The following KCNH7 variants were observed in gnomAD, a reference collection of about 807,000 sequenced individuals.
The protein encoded by KCNH7 is voltage-gated inwardly rectifying potassium channel KCNH7.
A neutral mutation model predicts 120.8 loss-of-function variants in KCNH7; 49 were observed. The observed-to-expected ratio is 0.41, with a 90% CI of 0.32 to 0.51. KCNH7 has a LOEUF of 0.51. Ranked by LOEUF, KCNH7 falls within the 20% of genes least tolerant of loss-of-function variation. The pLI is 0.38. For synonymous variants in KCNH7, 547 were observed against 516.1 expected (o/e 1.06, Z -0.81); for missense variants, 1,097 against 1,446.6 (o/e 0.76, Z 3.92).
chr2:162,686,788 G>C (rs1221028185), intron 2 of KCNH7, among the ~76,000 whole-genome samples: 1 of 152,024 alleles, frequency 6.6e-6, no homozygotes, highest in Non-Finnish European at 1.5e-5. Context: ...AACCTACCAA[G>C]GTCAAAAAAG....
Position 162,375,271 on chromosome 2 carries a change from A to G in KCNH7, c.3132-1609T>C, listed in dbSNP as rs138385570. Among the ~76,000 whole-genome samples, 484 of 152,370 alleles carry G rather than the reference A, an allele frequency of 3.2e-3. 2 individuals are homozygous for G. The highest frequency in any genetic ancestry group is 0.011 in the African/African-American group (463 of 41,590). ...GGATTTGGGGGGAAAGACTGGAAGA[A>G]GAACTGCATCAACAAGGGAGATTCA... On this transcript the variant is annotated intron_variant, in intron 14 of 15. Coordinates refer to ENST00000332142, the MANE Select transcript of KCNH7 (RefSeq NM_033272.4).
intron 2 of KCNH7, among the ~76,000 whole-genome samples, chr2:162,654,401 C>T (rs1216934291): frequency 6.7e-6 from 1 of 149,760 alleles, no homozygotes; most frequent in African/African-American, 2.4e-5. Context: ...AAAAAATGTC[C>T]AACATCACTA....
At chr2:162,834,624 T>C (rs1222035143) in intron 2 of KCNH7, among the ~76,000 whole-genome samples, 2 of 152,084 alleles carry the variant, frequency 1.3e-5, no homozygotes, top group African/African-American at 4.8e-5. Flanking sequence ...TTTGTCAATA[T>C]ACTAATATGT....
chr2:162,833,501 A>G (rs1008883610), intron 2 of KCNH7, among the ~76,000 whole-genome samples: 4 of 152,248 alleles, frequency 2.6e-5, no homozygotes, highest in African/African-American at 9.6e-5. Flanking sequence ...CAGCTTTATC[A>G]CCTCAAGCAA....
intron 6 of KCNH7, among the ~76,000 whole-genome samples, chr2:162,477,794 A>G (rs910310062): frequency 6.6e-6 from 1 of 151,524 alleles, no homozygotes; most frequent in African/African-American, 2.4e-5. Context: ...ACATTTTTCT[A>G]TATAGCCTTC....
At chr2:162,615,860 C>G (rs1683123963) in intron 2 of KCNH7, among the ~76,000 whole-genome samples, 1 of 152,094 alleles carries the variant, frequency 6.6e-6, no homozygotes, top group Non-Finnish European at 1.5e-5. Flanking sequence ...GATCCATTCT[C>G]TAAATACACT....
rs141946498 is a variant in KCNH7 at position 162,685,267 on chromosome 2, C to G, written c.308-148187G>C. ...ATAGATAACAGGTTGATGGGTGCAG[C>G]AAACCACCATGGCACATGTATACCT... On this transcript the variant is annotated intron_variant, in intron 2 of 15. Transcript: ENST00000332142. 2.1e-3 allele frequency among the ~76,000 whole-genome samples: 312 copies of G among 151,992 alleles called. 3 individuals are homozygous for G. The highest frequency in any genetic ancestry group is 7.2e-3 in the African/African-American group (300 of 41,480).
At chr2:162,521,612 TATTA>T (rs1158660641) in intron 3 of KCNH7, among the ~76,000 whole-genome samples, 1 of 151,868 alleles carries the variant, frequency 6.6e-6, no homozygotes, top group Admixed American at 6.6e-5. Context: ...ACATTTTTAT[TATTA>T]ATTATTATGG....
chr2:162,517,995 G>T lies in KCNH7; in HGVS notation c.627C>A (p.Ser209Arg). 2 of 1,612,440 alleles carry T rather than the reference G, an allele frequency of 1.2e-6. No individual in the cohort carries two copies. Among genetic ancestry groups the T allele is most frequent in the Non-Finnish European group, 1.7e-6 (2 of 1,178,920 alleles). ...CTTTTGTGTCATCTGCTTCAGAGGG[G>T]CTGCAGCTTTCTTTTGTAGGAGACT... ...HFKSPTKESC[S>R]PSEADDTKAL... The change falls in exon 4 of 16, where the codon AGC becomes AGA. Residue 209 changes from serine to arginine, a missense_variant. By Grantham distance (110) the Ser-to-Arg change is moderately radical (BLOSUM62 -1). Coordinates refer to ENST00000332142, the MANE Select transcript of KCNH7 (RefSeq NM_033272.4).
chr2:162,751,046 T>G (rs1422294250), intron 2 of KCNH7, among the ~76,000 whole-genome samples: 2 of 152,204 alleles, frequency 1.3e-5, no homozygotes, highest in Admixed American at 6.6e-5. Context: ...AACAACCGAC[T>G]ATTTCCTGAG....
intron 2 of KCNH7, among the ~76,000 whole-genome samples, chr2:162,572,198 A>G (rs1360911388): frequency 1.3e-5 from 2 of 152,110 alleles, no homozygotes; most frequent in African/African-American, 4.8e-5. Flanking sequence ...ACAAATTTAC[A>G]AGAAAAAAAT....
chr2:162,826,362 G>A (rs1458059895), intron 2 of KCNH7, among the ~76,000 whole-genome samples: 1 of 152,060 alleles, frequency 6.6e-6, no homozygotes, highest in Non-Finnish European at 1.5e-5. Flanking sequence ...TGAACTTGTG[G>A]ATGTTCCATC....
At chr2:162,835,629 T>C (rs539696460) in intron 2 of KCNH7, among the ~76,000 whole-genome samples, 24 of 151,794 alleles carry the variant, frequency 1.6e-4, no homozygotes, top group African/African-American at 5.8e-4. Context: ...TAGATATATA[T>C]AGATATAGAT....
intron 2 of KCNH7, among the ~76,000 whole-genome samples, chr2:162,788,351 C>A (rs754465508): frequency 2.0e-5 from 3 of 152,002 alleles, no homozygotes; most frequent in Non-Finnish European, 4.4e-5. Flanking sequence ...CAAGAGAACA[C>A]CACTACCTGA....
chr2:162,542,365 G>A (rs1371873303), intron 2 of KCNH7, among the ~76,000 whole-genome samples: 2 of 148,594 alleles, frequency 1.3e-5, no homozygotes, highest in Admixed American at 6.7e-5. Flanking sequence ...TCGTCATTTA[G>A]CATTAGGTAT....
intron 2 of KCNH7, among the ~76,000 whole-genome samples, chr2:162,570,931 C>T (rs1199725461): frequency 1.3e-5 from 2 of 152,004 alleles, no homozygotes; most frequent in East Asian, 3.9e-4. Context: ...AAACCCACAG[C>T]CAATATCATA....
intron 2 of KCNH7, chr2:162,797,997 T>A (rs1263924863): frequency 6.6e-6 from 1 of 152,060 alleles, no homozygotes; most frequent in Non-Finnish European, 1.5e-5. Context: ...CTTGATAAAA[T>A]TAAGAAAAAT....
chr2:162,455,083 A>G (rs1688913444), intron 6 of KCNH7, among the ~76,000 whole-genome samples: 1 of 152,128 alleles, frequency 6.6e-6, no homozygotes, highest in African/African-American at 2.4e-5. Flanking sequence ...TTTGTCATAA[A>G]TAGCTCTTAT....
At chr2:162,652,947 C>T (rs561189391) in intron 2 of KCNH7, among the ~76,000 whole-genome samples, 8 of 152,246 alleles carry the variant, frequency 5.3e-5, no homozygotes, top group Non-Finnish European at 8.8e-5. Flanking sequence ...TTTGAATTAA[C>T]GTAGCTGCAG....
Sources: allele counts gnomAD v4.1 joint callset (sites outside exome capture counted in the v4.1 genomes callset), GRCh38; gene constraint gnomAD v4.1.1; transcripts MANE v1.5; gene names NCBI Gene and HGNC (gene_info 2026-07-23, HGNC 2026-07-21).